The following NTPCR variants were observed in gnomAD, a reference collection of about 807,000 sequenced individuals.
NTPCR encodes the protein cancer-related nucleoside-triphosphatase.
A neutral mutation model predicts 19.5 loss-of-function variants in NTPCR; 15 were observed. The ratio of observed to expected loss-of-function variants is 0.77; its 90% confidence interval spans 0.51 to 1.18. The LOEUF is 1.18. NTPCR is among the 50% of genes most tolerant of loss of function. NTPCR has a pLI of 0.00. For synonymous variants in NTPCR, 90 were observed against 95.8 expected (o/e 0.94, Z 0.36); for missense variants, 206 against 240.4 (o/e 0.86, Z 0.95).
In NTPCR at chr1:232,960,349, C is replaced by CTT. The variant is rs796692879; in HGVS notation, c.294+3917_294+3918dup. 7.0e-5 allele frequency among the ~76,000 whole-genome samples: 10 copies of CTT among 142,340 alleles called. 1 individual carries two copies. The highest frequency in any genetic ancestry group is 3.5e-4 in the Admixed American group (5 of 14,290). 93.4% of individuals were successfully genotyped at this position (142,340 alleles called of 152,430 possible). On this transcript the variant is annotated intron_variant, in intron 3 of 4. Coordinates refer to ENST00000366628, the MANE Select transcript of NTPCR (RefSeq NM_032324.3). ...ATGTTTCTTGTTTCTTTTTCTTTTC[C>CTT]TTTTTTTTTTTTGAGACAGAGTCTT... is the stretch of plus-strand genomic sequence containing the variant.
intron 3 of NTPCR, among the ~76,000 whole-genome samples, chr1:232,960,285 A>G (rs1403305708): frequency 6.7e-6 from 1 of 148,196 alleles, no homozygotes; most frequent in Admixed American, 6.7e-5. Flanking sequence ...CAGGAGGGCC[A>G]GGCACAACCC....
chr1:232,976,466 G>A (rs1669126976), intron 4 of NTPCR: 2 of 1,550,092 alleles, frequency 1.3e-6, no homozygotes, highest in Non-Finnish European at 1.7e-6. Flanking sequence ...TGGAAGAAAA[G>A]GGCCCCTGTG....
In NTPCR at chr1:232,978,856, T is replaced by C. The variant is rs1669218197; in HGVS notation, c.*625T>C. On this transcript the variant is annotated 3_prime_UTR_variant, in exon 5 of 5. Coordinates refer to ENST00000366628, the MANE Select transcript of NTPCR (RefSeq NM_032324.3). ...TTGGAAGTGTTGATAGCATCTGATA[T>C]TCAGCCGACCAGATGACAAGAGCTC... The C allele has an allele frequency of 6.6e-6, 1 of 152,240 alleles. No homozygotes were observed. Among genetic ancestry groups the C allele is most frequent in the Non-Finnish European group, 1.5e-5 (1 of 68,054 alleles). 9.4% of individuals were successfully genotyped at this position (152,240 alleles called of 1,614,324 possible). A position where few individuals can be genotyped will look rare whatever the true frequency, so the allele number is the denominator to read the frequency against.
intron 4 of NTPCR, chr1:232,977,336 G>C (rs963281132): frequency 4.6e-5 from 7 of 152,398 alleles, no homozygotes; most frequent in African/African-American, 1.2e-4. Flanking sequence ...CTTACCTGTG[G>C]TGCTTCTCTA....
rs757363708 is a variant in NTPCR at position 232,950,782 on chromosome 1, G to C, written c.34+38G>C. ...GGATCCCCACCTCCAAGAGGTCGAG[G>C]GGGTGGGGGCGCGCGGGCTGCGGGC... On this transcript the variant is annotated intron_variant, in intron 1 of 4. Coordinates refer to ENST00000366628, the MANE Select transcript of NTPCR (RefSeq NM_032324.3). 4.0e-6 allele frequency: 6 copies of C among 1,482,228 alleles called. No individual in the cohort carries two copies. In the African/African-American group the frequency reaches 7.2e-5, roughly 18 times the overall value. 91.8% of individuals were successfully genotyped at this position (1,482,228 alleles called of 1,614,324 possible).
chr1:232,970,930 G>A (rs1007791221), intron 4 of NTPCR, among the ~76,000 whole-genome samples: 2 of 152,154 alleles, frequency 1.3e-5, no homozygotes, highest in African/African-American at 4.8e-5. Flanking sequence ...AAACTCTGGG[G>A]GATGGCCCCA....
chr1:232,976,211 A>G (rs1407068113), intron 4 of NTPCR: 5 of 1,125,624 alleles, frequency 4.4e-6, no homozygotes, highest in African/African-American at 1.6e-5. Context: ...GCATGTATAC[A>G]TTGTATAATG....
Position 232,950,689 on chromosome 1 carries a change from A to T in NTPCR, c.-22A>T. 2 of 1,604,202 alleles carry T rather than the reference A, an allele frequency of 1.2e-6. No homozygotes were observed. Among genetic ancestry groups the T allele is most frequent in the Non-Finnish European group, 1.7e-6 (2 of 1,172,726 alleles). ...AACCTGGACTGCTCCCCTGACCGCA[A>T]CCCCTACCCCCGCCCACCAGTATGG... On this transcript the variant is annotated 5_prime_UTR_variant, in exon 1 of 5. Coordinates refer to ENST00000366628, the MANE Select transcript of NTPCR (RefSeq NM_032324.3).
Position 232,970,032 on chromosome 1 carries a change from A to T in NTPCR, c.418A>T (p.Ile140Phe). The T allele has an allele frequency of 6.2e-7, 1 of 1,613,974 alleles. No individual in the cohort carries two copies. The highest frequency in any genetic ancestry group is 8.5e-7 in the Non-Finnish European group (1 of 1,179,864). ...GACGCTGTCTACCCCAGGGACTATA[A>T]TCCTTGGCACAATCCCAGTTCCTAA... ...RQTLSTPGTI[I>F]LGTIPVPKGK... Residue 140 changes from isoleucine (I) to phenylalanine (F), a missense_variant, in exon 4 of 5, where the codon ATC (isoleucine) becomes TTC (phenylalanine). Coordinates refer to ENST00000366628, the MANE Select transcript of NTPCR (RefSeq NM_032324.3).
In NTPCR at chr1:232,979,265, A is replaced by T. The variant is rs750968707; in HGVS notation, c.*1034A>T. The stretch of plus-strand genomic sequence containing the variant: ...TTTAGGTCATTTTTGGTGAAGATCT[A>T]TGAATTTCCAGGATTTTTTTTTAAC... On this transcript the variant is annotated 3_prime_UTR_variant, in exon 5 of 5. Coordinates refer to ENST00000366628, the MANE Select transcript of NTPCR (RefSeq NM_032324.3). The surrounding 1 kb of genome is among the most constrained non-coding windows in gnomAD (Gnocchi z 5.3). 3 of 152,100 alleles carry T rather than the reference A, an allele frequency of 2.0e-5. No homozygotes were observed. The highest frequency in any genetic ancestry group is 7.2e-5 in the African/African-American group (3 of 41,396). 9.4% of individuals were successfully genotyped at this position (152,100 alleles called of 1,614,324 possible). A position where few individuals can be genotyped will look rare whatever the true frequency, so the allele number is the denominator to read the frequency against.
At chr1:232,958,074 A>G (rs1668562088) in intron 3 of NTPCR, among the ~76,000 whole-genome samples, 1 of 152,208 alleles carries the variant, frequency 6.6e-6, no homozygotes, top group South Asian at 2.1e-4. Flanking sequence ...GGGGGCCATG[A>G]GATGCAGGGC....
rs1669284245 is a variant in NTPCR, at chr1:232,981,633, A to G, written c.*3402A>G. 1 of 152,212 alleles carries G rather than the reference A, an allele frequency of 6.6e-6. No homozygotes were observed. The highest frequency in any genetic ancestry group is 2.4e-5 in the African/African-American group (1 of 41,458). 9.4% of individuals were successfully genotyped at this position (152,212 alleles called of 1,614,324 possible). On this transcript the variant is annotated 3_prime_UTR_variant, in exon 5 of 5. Transcript: ENST00000366628. ...TAGAATCAATAATGCCAAATTGGCCACATGATTTATATAAAACCAAGTGCT... is the reference window on the plus strand; with the variant it reads ...TAGAATCAATAATGCCAAATTGGCCGCATGATTTATATAAAACCAAGTGCT...
intron 4 of NTPCR, among the ~76,000 whole-genome samples, chr1:232,972,915 G>C (rs926749513): frequency 1.3e-5 from 2 of 152,166 alleles, no homozygotes; most frequent in African/African-American, 4.8e-5. Context: ...CAGACCATGG[G>C]GCAATCAAAA....
chr1:232,972,173 A>G lies in NTPCR; in HGVS notation c.504+2055A>G, dbSNP rs572734575. ...CCAGGCAAGATAATCATTGCTTCTA[A>G]TGATCTGTAAATAAAACAATTAGCT... On this transcript the variant is annotated intron_variant, in intron 4 of 4. Coordinates refer to ENST00000366628, the MANE Select transcript of NTPCR (RefSeq NM_032324.3). Among the ~76,000 whole-genome samples, 4 of 152,310 alleles carry G rather than the reference A, an allele frequency of 2.6e-5. No individual in the cohort carries two copies. In the East Asian group the frequency reaches 7.7e-4, roughly 29 times the overall value.
rs368980799 is a variant in NTPCR, at chr1:232,972,472, G to A, written c.504+2354G>A. On this transcript the variant is annotated intron_variant, in intron 4 of 4. Transcript: ENST00000366628. Reference sequence around the variant, plus strand: ...GACAAGGTTAGTCTCTGTGGCCCATGCTGGAGTGCAGTGGCATGCTCTTGG... The same window carrying A: ...GACAAGGTTAGTCTCTGTGGCCCATACTGGAGTGCAGTGGCATGCTCTTGG... 1.7e-4 allele frequency among the ~76,000 whole-genome samples: 26 copies of A among 151,040 alleles called. 1 individual carries two copies. The highest frequency in any genetic ancestry group is 6.3e-4 in the African/African-American group (26 of 41,118).
At chr1:232,952,698 C>T (rs1209822911) in intron 1 of NTPCR, among the ~76,000 whole-genome samples, 2 of 151,356 alleles carry the variant, frequency 1.3e-5, no homozygotes, top group African/African-American at 4.9e-5. Context: ...TCCTTTTACA[C>T]ATAACTTTTT....
rs1208984830 is a variant in NTPCR at position 232,981,222 on chromosome 1, G to A, written c.*2991G>A. On this transcript the variant is annotated 3_prime_UTR_variant, in exon 5 of 5. Transcript: ENST00000366628. ...GGGAGATGGGTGAGTCTTTTAAATG[G>A]ATAGTGTCATCTCTGATGATCAGCC... 1 of 152,188 alleles carries A rather than the reference G, an allele frequency of 6.6e-6. No individual in the cohort carries two copies. The highest frequency in any genetic ancestry group is 1.5e-5 in the Non-Finnish European group (1 of 68,040). 9.4% of individuals were successfully genotyped at this position (152,188 alleles called of 1,614,324 possible). A position where few individuals can be genotyped will look rare whatever the true frequency, so the allele number is the denominator to read the frequency against.
intron 1 of NTPCR, among the ~76,000 whole-genome samples, chr1:232,954,048 A>G (rs1668447757): frequency 6.6e-6 from 1 of 152,240 alleles, no homozygotes; most frequent in Middle Eastern, 3.2e-3. Context: ...CTAGTCATGA[A>G]CTACAGGGTG....
intron 3 of NTPCR, among the ~76,000 whole-genome samples, chr1:232,958,223 T>C (rs1193345896): frequency 3.3e-5 from 5 of 152,202 alleles, no homozygotes; most frequent in Admixed American, 2.6e-4. Context: ...GCACCAAGAA[T>C]AAAGTCCAAA....
Sources: gnomAD v4.1 joint callset for allele counts (sites outside exome capture counted in the v4.1 genomes callset) on GRCh38, gnomAD v4.1.1 for gene constraint, Gnocchi (gnomAD v3.1) non-coding constraint, MANE v1.5 for transcripts, NCBI Gene and HGNC (gene_info 2026-07-23, HGNC 2026-07-21) for gene names.